The following SNTG1 variants were observed in gnomAD, a reference collection of about 807,000 sequenced individuals.
SNTG1 encodes the protein syntrophin gamma 1, also known as gamma-1-syntrophin.
In SNTG1, 39 loss-of-function variants were observed where a neutral mutation model predicts 74.7. The observed-to-expected ratio is 0.52, with a 90% CI of 0.40 to 0.68. The LOEUF is 0.68. Ranked by LOEUF, SNTG1 falls within the 30% of genes least tolerant of loss-of-function variation. The probability of loss-of-function intolerance (pLI) is 0.00; values close to 1 mark genes in which losing one functional copy is unlikely to be tolerated. For missense variants in SNTG1, 685 were observed against 609.5 expected (o/e 1.12, Z -1.30); for synonymous variants, 254 against 217.1 (o/e 1.17, Z -1.49).
rs553234443 is a variant in SNTG1 at position 50,388,926 on chromosome 8, T to C, written c.-27-5286T>C. 3.9e-5 allele frequency among the ~76,000 whole-genome samples: 6 copies of C among 152,258 alleles called. No homozygotes were observed. In the East Asian group the frequency reaches 9.7e-4, roughly 25 times the overall value. On this transcript the variant is annotated intron_variant, in intron 2 of 18. Coordinates refer to ENST00000642720, the MANE Select transcript of SNTG1 (RefSeq NM_018967.5). ...ACTTATTTGACGCAGGAGTCTTCAA[T>C]GTGATTGTGGCAGCTCTGTCCTGGG...
chr8:50,042,743 G>A (rs1436600011), intron 1 of SNTG1, among the ~76,000 whole-genome samples: 4 of 145,136 alleles, frequency 2.8e-5, no homozygotes, highest in Non-Finnish European at 6.1e-5. Flanking sequence ...TTTTTTTTTT[G>A]GTAGAGGTAA....
At chr8:49,986,631 T>C (rs1813179220) in intron 1 of SNTG1, among the ~76,000 whole-genome samples, 1 of 151,224 alleles carries the variant, frequency 6.6e-6, no homozygotes, top group South Asian at 2.1e-4. Context: ...CCAGCACTTT[T>C]GGAGGCCAAG....
At chr8:50,690,794 G>A (rs2095374739) in intron 15 of SNTG1, among the ~76,000 whole-genome samples, 1 of 152,078 alleles carries the variant, frequency 6.6e-6, no homozygotes, top group Non-Finnish European at 1.5e-5. Flanking sequence ...TTCAATTCCT[G>A]GGTATCCTTG....
chr8:50,752,856 T>C (rs1358286001), intron 18 of SNTG1, among the ~76,000 whole-genome samples: 1 of 152,000 alleles, frequency 6.6e-6, no homozygotes, highest in East Asian at 1.9e-4. Context: ...ACAAGGTGAC[T>C]CCTTGTAGCC....
At chr8:50,456,450 G>A (rs2093506383) in intron 8 of SNTG1, among the ~76,000 whole-genome samples, 1 of 151,890 alleles carries the variant, frequency 6.6e-6, no homozygotes, top group Non-Finnish European at 1.5e-5. Flanking sequence ...CAACAGGCTT[G>A]GAGTGCACTG....
At chr8:50,693,482 C>G (rs1314806445) in intron 15 of SNTG1, among the ~76,000 whole-genome samples, 1 of 151,992 alleles carries the variant, frequency 6.6e-6, no homozygotes, top group African/African-American at 2.4e-5. Context: ...TATATAAAGC[C>G]AATATTAAAG....
intron 9 of SNTG1, among the ~76,000 whole-genome samples, chr8:50,510,744 G>A (rs1297092592): frequency 1.3e-5 from 2 of 152,124 alleles, no homozygotes; most frequent in Non-Finnish European, 2.9e-5. Context: ...TTGTATTTCT[G>A]TGGGATCGGT....
At chr8:50,366,287 A>G (rs1246553194) in intron 2 of SNTG1, among the ~76,000 whole-genome samples, 3 of 152,164 alleles carry the variant, frequency 2.0e-5, no homozygotes, top group Admixed American at 1.3e-4. Context: ...GAACTACTAC[A>G]TGGTTGCGCC....
At chr8:50,750,725 G>T (rs968780038) in intron 17 of SNTG1, among the ~76,000 whole-genome samples, 5 of 151,888 alleles carry the variant, frequency 3.3e-5, no homozygotes, top group African/African-American at 7.2e-5. Context: ...TTTAATTAAG[G>T]TATATACATT....
chr8:50,149,608 A>G (rs1323303009), intron 1 of SNTG1, among the ~76,000 whole-genome samples: 3 of 152,154 alleles, frequency 2.0e-5, no homozygotes, highest in Admixed American at 6.5e-5. Context: ...CTTTCTTCAT[A>G]TGGCTAGCCA....
intron 1 of SNTG1, among the ~76,000 whole-genome samples, chr8:49,970,636 T>C (rs968915102): frequency 6.6e-6 from 1 of 152,198 alleles, no homozygotes; most frequent in Non-Finnish European, 1.5e-5. Context: ...ACTGACCACG[T>C]AGAGGGTCAG....
chr8:49,934,063 C>T (rs1174443400), intron 1 of SNTG1, among the ~76,000 whole-genome samples: 1 of 152,128 alleles, frequency 6.6e-6, no homozygotes, highest in African/African-American at 2.4e-5. Flanking sequence ...ATAAATAGTA[C>T]AATCTGTGAG....
Position 50,250,921 on chromosome 8 carries a change from A to G in SNTG1, c.-28+78286A>G, listed in dbSNP as rs527542780. Reference sequence around the variant, plus strand: ...CAGCAGTATAGGTAAATGCATAACCATACCCAGAATTCCCTGGTGCTGTAA... The same window carrying G: ...CAGCAGTATAGGTAAATGCATAACCGTACCCAGAATTCCCTGGTGCTGTAA... On this transcript the variant is annotated intron_variant, in intron 2 of 18. Transcript: ENST00000642720. Among the ~76,000 whole-genome samples, 30 of 152,240 alleles carry G rather than the reference A, an allele frequency of 2.0e-4. No individual in the cohort carries two copies. The South Asian group carries it at 3.9e-3, about 20-fold the overall frequency.
chr8:50,741,104 C>G (rs2095542237), intron 17 of SNTG1, among the ~76,000 whole-genome samples: 1 of 151,914 alleles, frequency 6.6e-6, no homozygotes, highest in Admixed American at 6.6e-5. Context: ...TAAGTTTACC[C>G]ACATAACAAA....
At chr8:50,388,545 C>A (rs1008352082) in intron 2 of SNTG1, among the ~76,000 whole-genome samples, 4 of 152,144 alleles carry the variant, frequency 2.6e-5, no homozygotes, top group Non-Finnish European at 5.9e-5. Flanking sequence ...GTACCCAAAT[C>A]TATATCAGTC....
At chr8:50,421,052 A>AG (rs796925676) in intron 4 of SNTG1, among the ~76,000 whole-genome samples, 873 of 17,112 alleles carry the variant, frequency 0.051, 77 homozygotes, top group African/African-American at 0.18. Context: ...TGGGCGGGGG[A>AG]GGGGGGGGCG....
At chr8:49,925,963 A>G (rs899675936) in intron 1 of SNTG1, among the ~76,000 whole-genome samples, 2 of 152,170 alleles carry the variant, frequency 1.3e-5, no homozygotes, top group Non-Finnish European at 1.5e-5. Flanking sequence ...TTGATCACTT[A>G]ATAGGACGTA....
At chr8:50,011,930 G>A (rs1458224399) in intron 1 of SNTG1, 2 of 152,084 alleles carry the variant, frequency 1.3e-5, no homozygotes, top group African/African-American at 4.8e-5. Flanking sequence ...ATGGGCAAAG[G>A]GCAGAGCTAT....
At chr8:50,586,442 G>A (rs2094648621) in intron 12 of SNTG1, among the ~76,000 whole-genome samples, 1 of 152,014 alleles carries the variant, frequency 6.6e-6, no homozygotes, top group Non-Finnish European at 1.5e-5. Context: ...CTACATTTTA[G>A]CTCCTGTGTT....
Sources: allele counts gnomAD v4.1 joint callset (sites outside exome capture counted in the v4.1 genomes callset), GRCh38; gene constraint gnomAD v4.1.1; transcripts MANE v1.5; gene names NCBI Gene and HGNC (gene_info 2026-07-23, HGNC 2026-07-21).